The following COL7A1 variants were observed in gnomAD, a reference collection of about 807,000 sequenced individuals.
The protein encoded by COL7A1 is collagen alpha-1(VII) chain.
Under a neutral mutation model 456.2 loss-of-function variants are expected in COL7A1, and 296 were observed. The ratio of observed to expected loss-of-function variants is 0.65; its 90% CI spans 0.59 to 0.71. COL7A1 has a LOEUF of 0.71. Ranked by LOEUF, COL7A1 falls within the 30% of genes least tolerant of loss-of-function variation. COL7A1 has a pLI of 0.00. For missense variants in COL7A1, 3,441 were observed against 4,017.2 expected, an observed-to-expected ratio of 0.86 and a Z score of 3.88; for synonymous variants, 1,464 against 1,525.9, an observed-to-expected ratio of 0.96 and a Z score of 0.95.
Position 48,578,824 on chromosome 3 carries a change from C to T in COL7A1, c.5424+95G>A. The T allele has an allele frequency of 7.4e-7, 1 of 1,346,420 alleles. No individual in the cohort carries two copies. The highest frequency in any genetic ancestry group is 1.0e-6 in the Non-Finnish European group (1 of 988,518). 83.4% of individuals were successfully genotyped at this position (1,346,420 alleles called of 1,614,324 possible). Reference sequence around the variant, plus strand: ...TCCCAAAGGCAAGGCTGAACCGACCCCCCACCAACTCTCTCGGATGCTGTG... The same window carrying T: ...TCCCAAAGGCAAGGCTGAACCGACCTCCCACCAACTCTCTCGGATGCTGTG... On this transcript the variant is annotated intron_variant, in intron 63 of 118. Coordinates refer to ENST00000681320, the MANE Select transcript of COL7A1 (RefSeq NM_000094.4). This position sits in a 1 kb window ranked among gnomAD's most constrained non-coding sequence, Gnocchi z 4.7.
chr3:48,592,925 G>C lies in COL7A1; in HGVS notation c.696C>G (p.Thr232=), dbSNP rs1266303304. The part of the protein sequence containing the change: ...VPVTRPPDDS[T]SAPRDLVLSE... Reference sequence around the variant, plus strand: ...ACAGCACCAGGTCTCGTGGAGCAGAGGTCGAGTCATCCGCTGGGAATGCGG... The same window carrying C: ...ACAGCACCAGGTCTCGTGGAGCAGACGTCGAGTCATCCGCTGGGAATGCGG... Residue 232 remains threonine (T), a synonymous_variant, in exon 7 of 119, where the codon ACC becomes ACG. Coordinates refer to ENST00000681320, the MANE Select transcript of COL7A1 (RefSeq NM_000094.4). This position sits in a 1 kb window ranked among gnomAD's most constrained non-coding sequence, Gnocchi z 7.6. 6.2e-7 allele frequency: 1 copy of C among 1,613,906 alleles called. No individual in the cohort carries two copies. Among genetic ancestry groups the C allele is most frequent in the South Asian group, 1.1e-5 (1 of 91,070 alleles).
chr3:48,568,313 G>A lies in COL7A1; in HGVS notation c.7795-143C>T, dbSNP rs1456583229. 6.4e-6 allele frequency: 7 copies of A among 1,096,092 alleles called. No individual in the cohort carries two copies. The East Asian group carries it at 1.5e-4, about 23-fold the overall frequency. 67.9% of individuals were successfully genotyped at this position (1,096,092 alleles called of 1,614,324 possible). ...CACTGGGGCTTGCCATGGGGACAAGGGTCACCATAGGCAGGGGACACCATC... is the reference window on the plus strand; with the variant it reads ...CACTGGGGCTTGCCATGGGGACAAGAGTCACCATAGGCAGGGGACACCATC... On this transcript the variant is annotated intron_variant, in intron 105 of 118. Transcript: ENST00000681320. This position sits in a 1 kb window ranked among gnomAD's most constrained non-coding sequence, Gnocchi z 5.2.
rs138605618 is a variant in COL7A1 at position 48,569,764 on chromosome 3, T to C, written c.7522-4A>G. 3.5e-5 allele frequency: 56 copies of C among 1,614,134 alleles called. No individual in the cohort carries two copies. The African/African-American group carries it at 6.3e-4, about 18-fold the overall frequency. ...GTCCTGCACTCCCAACATCACCCTATTGGGCAAAAGAGTGTGAGTCCCGCC... is the reference window on the plus strand; with the variant it reads ...GTCCTGCACTCCCAACATCACCCTACTGGGCAAAAGAGTGTGAGTCCCGCC... On this transcript the variant is annotated splice_region_variant and splice_polypyrimidine_tract_variant and intron_variant, in intron 100 of 118. Transcript: ENST00000681320. This position sits in a 1 kb window ranked among gnomAD's most constrained non-coding sequence, Gnocchi z 4.9.
rs773906373 is a variant in COL7A1 at position 48,570,124 on chromosome 3, C to T, written c.7485+10G>A. The T allele has an allele frequency of 2.5e-5, 40 of 1,613,918 alleles. No individual in the cohort carries two copies. The highest frequency in any genetic ancestry group is 4.4e-5 in the South Asian group (4 of 91,084). On this transcript the variant is annotated intron_variant, in intron 99 of 118. Transcript: ENST00000681320. The surrounding 1 kb of genome is among the most constrained non-coding windows in gnomAD (Gnocchi z 5.5). ...GTCACAGCACTGTCACTTTCCCCAGCGGGACCCACCGTGAGTCCTCGGGGT... is the reference window on the plus strand; with the variant it reads ...GTCACAGCACTGTCACTTTCCCCAGTGGGACCCACCGTGAGTCCTCGGGGT...
At position 48,575,724 on chromosome 3, in the gene COL7A1, C is replaced by T; in HGVS notation, c.5881G>A (p.Glu1961Lys). ...IKASALREIV[E>K]TWDESSGSFL... The stretch of plus-strand genomic sequence containing the variant: ...CTACCAGAGCTCTCATCCCAGGTCT[C>T]CACGATCTCCCGCAGGGCAGATGCC... Residue 1961 changes from glutamate (E) to lysine (K), a missense_variant, in exon 73 of 119, where the codon GAG becomes AAG. Glu to Lys is a moderately conservative substitution (Grantham distance 56). Around this residue, in one of 3 missense-constraint regions of COL7A1, gnomAD observed 2,084 missense variants for 2,501.3 expected, o/e 0.83. Transcript: ENST00000681320. This position sits in a 1 kb window ranked among gnomAD's most constrained non-coding sequence, Gnocchi z 6.3. 1.2e-6 allele frequency: 2 copies of T among 1,613,962 alleles called. No homozygotes were observed. The highest frequency in any genetic ancestry group is 1.7e-6 in the Non-Finnish European group (2 of 1,180,032).
Position 48,587,147 on chromosome 3 carries a change from A to C in COL7A1, c.3140-39T>G, listed in dbSNP as rs778253534. 6.2e-7 allele frequency: 1 copy of C among 1,613,498 alleles called. No homozygotes were observed. The highest frequency in any genetic ancestry group is 2.2e-5 in the East Asian group (1 of 44,878). The stretch of plus-strand genomic sequence containing the variant: ...AACAAGTTACTGAAGCGGGCAGCCC[A>C]CCCAGACACACCTTTCTGCCCTTCC... On this transcript the variant is annotated intron_variant, in intron 24 of 118. Coordinates refer to ENST00000681320, the MANE Select transcript of COL7A1 (RefSeq NM_000094.4). This position sits in a 1 kb window ranked among gnomAD's most constrained non-coding sequence, Gnocchi z 6.1.
chr3:48,570,213 T>A lies in COL7A1; in HGVS notation c.7441-35A>T. 1 of 1,613,678 alleles carries A rather than the reference T, an allele frequency of 6.2e-7. No individual in the cohort carries two copies. Among genetic ancestry groups the A allele is most frequent in the Non-Finnish European group, 8.5e-7 (1 of 1,179,872 alleles). On this transcript the variant is annotated intron_variant, in intron 98 of 118. Transcript: ENST00000681320. This position sits in a 1 kb window ranked among gnomAD's most constrained non-coding sequence, Gnocchi z 5.5. ...GACATTAGGTTCATTGACTCAGAGGTTGGAAATCAGAGGCAAGAGCTGGGA... is the reference window on the plus strand; with the variant it reads ...GACATTAGGTTCATTGACTCAGAGGATGGAAATCAGAGGCAAGAGCTGGGA...
rs897423548 is a variant in COL7A1, at chr3:48,568,624, C to T, written c.7759-90G>A. 1.3e-5 allele frequency: 20 copies of T among 1,506,252 alleles called. No homozygotes were observed. Among genetic ancestry groups the T allele is most frequent in the African/African-American group, 2.8e-5 (2 of 72,540 alleles). 93.3% of individuals were successfully genotyped at this position (1,506,252 alleles called of 1,614,324 possible). Reference sequence around the variant, plus strand: ...CATGTGTGGCCACTCAGATGCTCAGCGGCCAGGGCCCAGGCCACACACAGA... The same window carrying T: ...CATGTGTGGCCACTCAGATGCTCAGTGGCCAGGGCCCAGGCCACACACAGA... On this transcript the variant is annotated intron_variant, in intron 104 of 118. Coordinates refer to ENST00000681320, the MANE Select transcript of COL7A1 (RefSeq NM_000094.4). The surrounding 1 kb of genome is among the most constrained non-coding windows in gnomAD (Gnocchi z 5.2).
chr3:48,566,947 C>T lies in COL7A1; in HGVS notation c.8186G>A (p.Ser2729Asn). The T allele has an allele frequency of 6.2e-7, 1 of 1,611,344 alleles. No homozygotes were observed. Among genetic ancestry groups the T allele is most frequent in the East Asian group, 2.2e-5 (1 of 44,798 alleles). The change falls in exon 111 of 119, where the codon AGT becomes AAT. Residue 2729 changes from serine to asparagine, a missense_variant. Physicochemically the swap from Ser to Asn is conservative, Grantham distance 46. Around this residue, in one of 3 missense-constraint regions of COL7A1, gnomAD observed 2,084 missense variants for 2,501.3 expected, o/e 0.83. Coordinates refer to ENST00000681320, the MANE Select transcript of COL7A1 (RefSeq NM_000094.4). This position sits in a 1 kb window ranked among gnomAD's most constrained non-coding sequence, Gnocchi z 5.9. ...GSAGPPGPPG[S>N]VGPRGPEGLQ... ...TCCTTCGGGGCCTCTGGGACCAACA[C>T]TGCCAGGTGGCCCTGGGGGACCAGC...
At position 48,571,378 on chromosome 3, in the gene COL7A1, T is replaced by G; in HGVS notation, c.7069-100A>C. 2 of 1,453,952 alleles carry G rather than the reference T, an allele frequency of 1.4e-6. No homozygotes were observed. Among genetic ancestry groups the G allele is most frequent in the Non-Finnish European group, 1.9e-6 (2 of 1,042,504 alleles). 90.1% of individuals were successfully genotyped at this position (1,453,952 alleles called of 1,614,324 possible). A position where few individuals can be genotyped will look rare whatever the true frequency, so the allele number is the denominator to read the frequency against. ...TCCCAGGGGAGTTCTGATGTGACCA[T>G]GAACACATGGGAACTCAGACATGCG... On this transcript the variant is annotated intron_variant, in intron 92 of 118. Transcript: ENST00000681320. The surrounding 1 kb of genome is among the most constrained non-coding windows in gnomAD (Gnocchi z 4.6).
At chr3:48,584,442 C>A in intron 36 of COL7A1, 43 bp downstream of exon 36, 1 of 1,612,960 alleles carries the variant, frequency 6.2e-7, no homozygotes, top group Non-Finnish European at 8.5e-7. Flanking sequence ...TCGTGTTGGT[C>A]CCCCCACTAC....
rs780148621 is a variant in COL7A1, at chr3:48,573,839, G to T, written c.6537+16C>A. ...CAGGATGGGGGCAAGACAGGTGAAG[G>T]TTCTTGGGTACTCACCACTGGGCCA... On this transcript the variant is annotated intron_variant, in intron 81 of 118. Coordinates refer to ENST00000681320, the MANE Select transcript of COL7A1 (RefSeq NM_000094.4). This position sits in a 1 kb window ranked among gnomAD's most constrained non-coding sequence, Gnocchi z 5.5. The T allele has an allele frequency of 4.0e-5, 64 of 1,613,916 alleles. No individual in the cohort carries two copies. The highest frequency in any genetic ancestry group is 5.2e-5 in the Non-Finnish European group (61 of 1,180,002).
rs752094824 is a variant in COL7A1, at chr3:48,574,633, C to T, written c.6393+44G>A. 6.8e-6 allele frequency: 11 copies of T among 1,613,762 alleles called. No homozygotes were observed. Among genetic ancestry groups the T allele is most frequent in the Non-Finnish European group, 1.7e-6 (2 of 1,179,994 alleles). ...ATGCACACCACCTCTAGTGTGCCCC[C>T]AGAAAGGAGGGGGACTCTATGGAAG... On this transcript the variant is annotated intron_variant, in intron 78 of 118. Transcript: ENST00000681320. The surrounding 1 kb of genome is among the most constrained non-coding windows in gnomAD (Gnocchi z 5.0).
rs2044135943 is a variant in COL7A1 at position 48,574,277 on chromosome 3, C to T, written c.6486G>A (p.Gly2162=). The change falls in exon 80 of 119, where the codon GGG becomes GGA. Residue 2162 remains glycine (G), a synonymous_variant. Transcript: ENST00000681320. This position sits in a 1 kb window ranked among gnomAD's most constrained non-coding sequence, Gnocchi z 5.0. ...PGLPGERGMA[G]PEGKPGLQGP... ...CACCACTCACCGGCTTCCCTTCAGG[C>T]CCAGCCATACCACGCTCTCCTGGTA... 1 of 1,614,084 alleles carries T rather than the reference C, an allele frequency of 6.2e-7. No individual in the cohort carries two copies. The highest frequency in any genetic ancestry group is 8.5e-7 in the Non-Finnish European group (1 of 1,180,012).
At position 48,592,897 on chromosome 3, in the gene COL7A1, C is replaced by G. The variant is rs549872555; in HGVS notation, c.724G>C (p.Glu242Gln). 6 of 1,613,880 alleles carry G rather than the reference C, an allele frequency of 3.7e-6. No individual in the cohort carries two copies. The highest frequency in any genetic ancestry group is 5.1e-6 in the Non-Finnish European group (6 of 1,180,024). ...TSAPRDLVLS[E>Q]PSSQSLRVQW... is the part of the protein sequence containing the mutation. ...ACTCTCAAGGATTGGCTGCTTGGCTCAGACAGCACCAGGTCTCGTGGAGCA... is the reference window on the plus strand; with the variant it reads ...ACTCTCAAGGATTGGCTGCTTGGCTGAGACAGCACCAGGTCTCGTGGAGCA... The change falls in exon 7 of 119, where the codon GAG (glutamate) becomes CAG (glutamine). Residue 242 changes from glutamate (E) to glutamine (Q), a missense_variant. Glu to Gln is a conservative substitution (Grantham distance 29, BLOSUM62 2). Around this residue, in one of 3 missense-constraint regions of COL7A1, gnomAD observed 913 missense variants for 1,088.2 expected, o/e 0.84. Coordinates refer to ENST00000681320, the MANE Select transcript of COL7A1 (RefSeq NM_000094.4). This position sits in a 1 kb window ranked among gnomAD's most constrained non-coding sequence, Gnocchi z 7.6.
rs373761776 is a variant in COL7A1, at chr3:48,564,459, T to A, written c.8819-37A>T. 6.2e-6 allele frequency: 10 copies of A among 1,613,340 alleles called. No homozygotes were observed. Among genetic ancestry groups the A allele is most frequent in the Non-Finnish European group, 8.5e-6 (10 of 1,179,610 alleles). On this transcript the variant is annotated intron_variant, in intron 118 of 118. Transcript: ENST00000681320. The surrounding 1 kb of genome is among the most constrained non-coding windows in gnomAD (Gnocchi z 6.0). ...AGGTTGGAAACGGTCGTCAGCCATC[T>A]GACCTTCCCCGGAGACGCTCAGGCA...
Position 48,575,017 on chromosome 3 carries a change from C to T in COL7A1, c.6279+47G>A, listed in dbSNP as rs2044190462. On this transcript the variant is annotated intron_variant, in intron 76 of 118. Transcript: ENST00000681320. This position sits in a 1 kb window ranked among gnomAD's most constrained non-coding sequence, Gnocchi z 6.3. Reference sequence around the variant, plus strand: ...TTTCTGGGGACCAAGCTAAGGGTGGCTTCCTGGTCACTAGTCACAGGACTA... The same window carrying T: ...TTTCTGGGGACCAAGCTAAGGGTGGTTTCCTGGTCACTAGTCACAGGACTA... The T allele has an allele frequency of 1.3e-6, 2 of 1,595,230 alleles. No individual in the cohort carries two copies. Among genetic ancestry groups the T allele is most frequent in the Admixed American group, 1.7e-5 (1 of 59,836 alleles).
Position 48,568,663 on chromosome 3 carries a change from C to T in COL7A1, c.7758+121G>A. 2.7e-6 allele frequency: 4 copies of T among 1,479,096 alleles called. No individual in the cohort carries two copies. Among genetic ancestry groups the T allele is most frequent in the Non-Finnish European group, 3.7e-6 (4 of 1,084,012 alleles). 91.6% of individuals were successfully genotyped at this position (1,479,096 alleles called of 1,614,324 possible). A position where few individuals can be genotyped will look rare whatever the true frequency, so the allele number is the denominator to read the frequency against. On this transcript the variant is annotated intron_variant, in intron 104 of 118. Coordinates refer to ENST00000681320, the MANE Select transcript of COL7A1 (RefSeq NM_000094.4). This position sits in a 1 kb window ranked among gnomAD's most constrained non-coding sequence, Gnocchi z 5.2. ...GCCACACACAGATCCCGGGTGAACACACATGGGGCCGGCAGCAAGGGAGCC... is the reference window on the plus strand; with the variant it reads ...GCCACACACAGATCCCGGGTGAACATACATGGGGCCGGCAGCAAGGGAGCC...
chr3:48,588,440 C>T lies in COL7A1; in HGVS notation c.2588-36G>A, dbSNP rs749754255. On this transcript the variant is annotated intron_variant, in intron 20 of 118. Coordinates refer to ENST00000681320, the MANE Select transcript of COL7A1 (RefSeq NM_000094.4). This position sits in a 1 kb window ranked among gnomAD's most constrained non-coding sequence, Gnocchi z 4.6. ...AGCTCAGGAATCAGGGAGGCTCTGC[C>T]CCCATGGCCCCTGCACCAATCCCAG... The T allele has an allele frequency of 1.9e-6, 3 of 1,601,872 alleles. No homozygotes were observed. The highest frequency in any genetic ancestry group is 2.5e-6 in the Non-Finnish European group (3 of 1,178,840).
Sources: gnomAD v4.1 joint callset for allele counts on GRCh38, gnomAD v4.1.1 for gene constraint, gnomAD v4.1.1 regional missense constraint, Gnocchi (gnomAD v3.1) non-coding constraint, MANE v1.5 for transcripts, NCBI Gene and HGNC (gene_info 2026-07-23, HGNC 2026-07-21) for gene names.